AGAP6: variants seen among roughly 807,000 people sequenced by gnomAD.
AGAP6 encodes the protein ArfGAP with GTPase domain, ankyrin repeat and PH domain 6.
Under a neutral mutation model 63.9 loss-of-function variants are expected in AGAP6, and 29 were observed. The observed-to-expected ratio is 0.45, with a 90% CI of 0.34 to 0.62. The LOEUF (loss-of-function observed/expected upper bound fraction) is 0.62, where lower values mean the gene tolerates loss of function less well. Among genes scored for constraint, AGAP6 ranks in the 20% least tolerant of loss-of-function variants. The pLI is 0.01. For missense variants in AGAP6, 493 were observed against 884.9 expected (o/e 0.56, Z 5.62); for synonymous variants, 199 against 332.9 (o/e 0.60, Z 4.38).
Position 49,988,421 on chromosome 10 carries a change from C to T in AGAP6, c.-295C>T, listed in dbSNP as rs1338862646. 5.2e-6 allele frequency: 7 copies of T among 1,345,612 alleles called. No individual in the cohort carries two copies. Among genetic ancestry groups the T allele is most frequent in the African/African-American group, 1.5e-5 (1 of 67,528 alleles). The allele number at this position is 1,345,612 out of a possible 1,614,324, so 83.4% of individuals were successfully genotyped here. Reference sequence around the variant, plus strand: ...GAACTCCGTCTGTTCTCTCTTCAGGCAGTTGTTGTGTCTCTCAGCGCTTGT... The same window carrying T: ...GAACTCCGTCTGTTCTCTCTTCAGGTAGTTGTTGTGTCTCTCAGCGCTTGT... On this transcript the variant is annotated 5_prime_UTR_variant, in exon 1 of 8. Transcript: ENST00000412531.
chr10:50,008,663 A>G (rs1244587050), intron 7 of AGAP6, 48 bp from the exon 8 acceptor site: 1 of 1,613,822 alleles, frequency 6.2e-7, no homozygotes, highest in African/African-American at 1.3e-5. Flanking sequence ...AGGACCCTGC[A>G]AGCCACTACC....
At position 50,009,683 on chromosome 10, in the gene AGAP6, G is replaced by A; in HGVS notation, c.1558G>A (p.Glu520Lys). The A allele has an allele frequency of 6.2e-7, 1 of 1,614,070 alleles. No homozygotes were observed. Among genetic ancestry groups the A allele is most frequent in the East Asian group, 2.2e-5 (1 of 44,888 alleles). The stretch of plus-strand genomic sequence containing the variant: ...CCACCTTTCCCGTGTGCGATCTCTG[G>A]AGCTGGATGACTGGCCAGTTGAGCT... The part of the protein sequence containing the change: ...GPHLSRVRSL[E>K]LDDWPVELRK... The change falls in exon 8 of 8, where the codon GAG (glutamate) becomes AAG (lysine). Residue 520 changes from glutamate (E) to lysine (K), a missense_variant. Physicochemically the swap from Glu to Lys is moderately conservative, Grantham distance 56. Transcript: ENST00000412531.
At chr10:49,998,586 A>G (rs1248112778) in intron 4 of AGAP6, among the ~76,000 whole-genome samples, 1 of 131,214 alleles carries the variant, frequency 7.6e-6, no homozygotes, top group African/African-American at 3.0e-5. Context: ...GCCTATTTTT[A>G]TATCAGTACC....
chr10:49,997,067 A>G (rs1841518581), intron 4 of AGAP6, among the ~76,000 whole-genome samples: 1 of 147,464 alleles, frequency 6.8e-6, no homozygotes, highest in Admixed American at 6.8e-5. Flanking sequence ...CCTGTGTTTA[A>G]ATCAAAGTCT....
In AGAP6 at chr10:50,008,764, C is replaced by A; in HGVS notation, c.639C>A (p.Asn213Lys). ...GAAATGGAGGTGGGAGTTTAAATAA[C>A]TATTCCTCCTCCATTCCATCGACTC... is the stretch of plus-strand genomic sequence containing the variant. The part of the protein sequence containing the change: ...KKRNGGGSLN[N>K]YSSSIPSTPS... The change falls in exon 8 of 8, where the codon AAC becomes AAA. Residue 213 changes from asparagine to lysine, a missense_variant. Asn to Lys is a moderately conservative substitution (Grantham distance 94, BLOSUM62 0). Transcript: ENST00000412531. 1 of 1,614,134 alleles carries A rather than the reference C, an allele frequency of 6.2e-7. No homozygotes were observed. Among genetic ancestry groups the A allele is most frequent in the Non-Finnish European group, 8.5e-7 (1 of 1,180,016 alleles).
intron 4 of AGAP6, 120 bp from the exon 5 acceptor site, chr10:50,001,876 A>G (rs1554862956): frequency 1.0e-6 from 1 of 957,122 alleles, no homozygotes; most frequent in African/African-American, 1.7e-5. Flanking sequence ...AGTGCACATG[A>G]TACCACACTC....
At chr10:49,991,230 A>G (rs1554860801) in intron 2 of AGAP6, among the ~76,000 whole-genome samples, 1 of 151,780 alleles carries the variant, frequency 6.6e-6, no homozygotes, top group African/African-American at 2.4e-5. Context: ...AGTGACAGAT[A>G]CGATGAATTT....
chr10:49,989,528 A>G (rs1291847055), intron 2 of AGAP6, among the ~76,000 whole-genome samples, 152 bp downstream of exon 2: 1 of 152,112 alleles, frequency 6.6e-6, no homozygotes, highest in Non-Finnish European at 1.5e-5. Context: ...TCCAGATGGT[A>G]CCTAAGTGAA....
intron 2 of AGAP6, among the ~76,000 whole-genome samples, chr10:49,991,388 T>TTTG (rs1554860843): frequency 6.7e-6 from 1 of 148,988 alleles, no homozygotes; most frequent in Non-Finnish European, 1.5e-5. Flanking sequence ...TCTTCTGTTT[T>TTTG]TTTTTTTTTT....
At chr10:49,994,894 G>A (rs60911957) in intron 4 of AGAP6, among the ~76,000 whole-genome samples, 9,626 of 150,360 alleles carry the variant, frequency 0.064, 415 homozygotes, top group African/African-American at 0.1. Flanking sequence ...CCCAGGAGGC[G>A]GAGGTTGCAG....
intron 2 of AGAP6, among the ~76,000 whole-genome samples, chr10:49,989,917 T>A (rs1340678726): frequency 6.6e-6 from 1 of 152,214 alleles, no homozygotes; most frequent in Non-Finnish European, 1.5e-5. Flanking sequence ...TCCAGATTTA[T>A]TCTGGTGACT....
At position 49,999,805 on chromosome 10, in the gene AGAP6, C is replaced by T. The variant is rs529248878; in HGVS notation, c.397-2191C>T. 2.9e-5 allele frequency among the ~76,000 whole-genome samples: 4 copies of T among 138,108 alleles called. 1 individual carries two copies. The South Asian group carries it at 1.0e-3, about 36-fold the overall frequency. 90.6% of individuals were successfully genotyped at this position (138,108 alleles called of 152,430 possible). On this transcript the variant is annotated intron_variant, in intron 4 of 7. Coordinates refer to ENST00000412531, the MANE Select transcript of AGAP6 (RefSeq NM_001077665.3). ...AATTAATGTACACAAATCAGTAGCT[C>T]TGTTATACCCCAGAAGCGACCAAGC... is the stretch of plus-strand genomic sequence containing the variant.
Position 50,009,633 on chromosome 10 carries a change from C to G in AGAP6, c.1508C>G (p.Ser503Ter). Residue 503 changes from serine to a stop codon, truncating the protein, a stop_gained, in exon 8 of 8, where the codon TCA (serine) becomes TGA (stop). Transcript: ENST00000412531. LOFTEE classifies it high-confidence loss of function. ...GGAGTCCTCATGTGTATTGAATGCT[C>G]AGGTATCCACCGCAGTCTTGGCCCC... Reference protein sequence around the residue: ...NLGVLMCIECSGIHRSLGPHL... With the variant: ...NLGVLMCIEC 1 of 1,612,980 alleles carries G rather than the reference C, an allele frequency of 6.2e-7. No homozygotes were observed. Among genetic ancestry groups the G allele is most frequent in the Non-Finnish European group, 8.5e-7 (1 of 1,179,222 alleles).
chr10:49,990,682 G>T lies in AGAP6; in HGVS notation c.293-994G>T, dbSNP rs79432324. On this transcript the variant is annotated intron_variant, in intron 2 of 7. Coordinates refer to ENST00000412531, the MANE Select transcript of AGAP6 (RefSeq NM_001077665.3). ...ACATATTAAATCCAGTTGGCTTATT[G>T]GTTTCATTTAAATGCCAGAGATTTC... Among the ~76,000 whole-genome samples, 854 of 152,174 alleles carry T rather than the reference G, an allele frequency of 5.6e-3. 23 individuals carry two copies. Among genetic ancestry groups the T allele is most frequent in the Admixed American group, 0.047 (711 of 15,276 alleles).
intron 6 of AGAP6, among the ~76,000 whole-genome samples, chr10:50,005,338 A>G (rs1279324865): frequency 2.0e-5 from 3 of 152,222 alleles, no homozygotes; most frequent in Non-Finnish European, 4.4e-5. Context: ...GAGGCTGGGC[A>G]CGGTGGCTCA....
intron 6 of AGAP6, among the ~76,000 whole-genome samples, chr10:50,006,532 GC>G (rs1554863925): frequency 6.6e-6 from 1 of 152,186 alleles, no homozygotes. Flanking sequence ...GTGGCACCAT[GC>G]CAGGCTAATT....
intron 4 of AGAP6, among the ~76,000 whole-genome samples, chr10:49,997,515 T>G (rs1235203371): frequency 6.6e-6 from 1 of 151,876 alleles, no homozygotes; most frequent in Non-Finnish European, 1.5e-5. Flanking sequence ...GGAAAAAAGT[T>G]ACTAATTCTT....
rs1171675629 is a variant in AGAP6 at position 50,010,302 on chromosome 10, C to A, written c.*116C>A. On this transcript the variant is annotated 3_prime_UTR_variant, in exon 8 of 8. Transcript: ENST00000412531. The stretch of plus-strand genomic sequence containing the variant: ...TCAGCTAATATTAGCATTTTCAGTA[C>A]TTTTCGTAAACTAAGTAAATACACA... The A allele has an allele frequency of 3.1e-5, 49 of 1,595,462 alleles. No homozygotes were observed. Among genetic ancestry groups the A allele is most frequent in the Non-Finnish European group, 4.1e-5 (48 of 1,169,278 alleles).
chr10:50,001,875 G>C (rs1841725447), intron 4 of AGAP6, 121 bp from the exon 5 acceptor site: 5 of 948,966 alleles, frequency 5.3e-6, no homozygotes, highest in Non-Finnish European at 7.8e-6. Flanking sequence ...GAGTGCACAT[G>C]ATACCACACT....
Sources: allele counts gnomAD v4.1 joint callset (sites outside exome capture counted in the v4.1 genomes callset), GRCh38; gene constraint gnomAD v4.1.1; transcripts MANE v1.5; gene names NCBI Gene and HGNC (gene_info 2026-07-23, HGNC 2026-07-21).